Variants in DMD observed in about 807,000 individuals in gnomAD.
DMD encodes dystrophin.
A neutral mutation model predicts 330.1 loss-of-function variants in DMD; 63 were observed. That is an observed-to-expected ratio of 0.19 (90% CI 0.16 to 0.24). DMD has a LOEUF of 0.24. Ranked by LOEUF, DMD falls within the 10% of genes least tolerant of loss-of-function variation. DMD has a pLI of 1.00. For synonymous variants in DMD, 1,223 were observed against 959.8 expected, an observed-to-expected ratio of 1.27 and a Z score of -5.07; for missense variants, 3,344 against 2,684.1, an observed-to-expected ratio of 1.25 and a Z score of -5.43.
chrX:32,679,901 ACTTTTTTTT>A (rs2062256829), intron 9 of DMD, among the ~76,000 whole-genome samples: 1 of 30,950 alleles, frequency 3.2e-5, no homozygotes, highest in African/African-American at 1.3e-4. Context: ...TAATATTTGT[ACTTTTTTTT>A]TTTTTTTTTT....
chrX:32,737,939 A>T (rs972737634), intron 7 of DMD, among the ~76,000 whole-genome samples: 2 of 112,114 alleles, frequency 1.8e-5, no homozygotes, highest in African/African-American at 6.5e-5. Context: ...CTGATTTGAT[A>T]TAACAGGAAT....
intron 2 of DMD, among the ~76,000 whole-genome samples, chrX:32,898,190 C>A (rs1463759088): frequency 8.9e-6 from 1 of 111,793 alleles, no homozygotes; most frequent in Non-Finnish European, 1.9e-5. Context: ...AAGACACTGG[C>A]GTTTTGGAAG....
intron 1 of DMD, among the ~76,000 whole-genome samples, chrX:33,247,271 A>T (rs2052681928): frequency 9.0e-6 from 1 of 111,590 alleles, no homozygotes; most frequent in South Asian, 3.8e-4. Context: ...TACAAGCATT[A>T]CAATGTAACA....
rs2035613105 is a variant in DMD, at chrX:31,138,669, GA to G, written c.10922-4476del. ...AGAGAGAGAGAGAGAGAGAGAGAGA[GA>G]GAGAGAGAGAGAGAGAGAAGGGGGA... On this transcript the variant is annotated intron_variant, in intron 76 of 78. Transcript: ENST00000357033. 9.8e-4 allele frequency among the ~76,000 whole-genome samples: 51 copies of G among 52,249 alleles called. 2 individuals carry two copies. The highest frequency in any genetic ancestry group is 2.6e-3 in the African/African-American group (47 of 18,381). 45.4% of individuals were successfully genotyped at this position (52,249 alleles called of 115,157 possible).
intron 44 of DMD, among the ~76,000 whole-genome samples, chrX:32,144,266 T>C (rs180819700): frequency 5.8e-4 from 65 of 111,822 alleles, no homozygotes; most frequent in African/African-American, 1.8e-3. Context: ...TGGGTTTTAG[T>C]AGAAAAATTT....
intron 19 of DMD, among the ~76,000 whole-genome samples, chrX:32,493,637 G>C (rs1288959898): frequency 8.9e-6 from 1 of 111,829 alleles, no homozygotes; most frequent in East Asian, 2.8e-4. Context: ...GGTATAAAGT[G>C]TAAGAGAAGA....
At chrX:31,506,550 T>C (rs1348310495) in intron 56 of DMD, among the ~76,000 whole-genome samples, 1 of 112,577 alleles carries the variant, frequency 8.9e-6, no homozygotes, top group Non-Finnish European at 1.9e-5. Flanking sequence ...TTACTATCTC[T>C]ATCCTTTTGT....
intron 1 of DMD, among the ~76,000 whole-genome samples, chrX:33,063,282 T>C (rs777227675): frequency 2.7e-4 from 30 of 111,477 alleles, no homozygotes; most frequent in African/African-American, 9.8e-4. Flanking sequence ...TTTTCAATGA[T>C]AATTTACATA....
Position 31,209,511 on chromosome X carries a change from T to A in DMD, c.9550A>T (p.Asn3184Tyr), listed in dbSNP as rs761714810. 2.5e-6 allele frequency: 3 copies of A among 1,211,119 alleles called. No homozygotes were observed. The highest frequency in any genetic ancestry group is 3.5e-5 in the South Asian group (2 of 56,961). Residue 3184 changes from asparagine (N) to tyrosine (Y), a missense_variant, in exon 65 of 79, where the codon AAT becomes TAT. Physicochemically the swap from Asn to Tyr is moderately radical, Grantham distance 143. Coordinates refer to ENST00000357033, the MANE Select transcript of DMD (RefSeq NM_004006.3). ...CVDMCLNWLLNVYDTGRTGRI... is the reference protein window; with the variant it reads ...CVDMCLNWLLYVYDTGRTGRI... ...TGCCATACGTACGTATCATAAACAT[T>A]CAGCAGCCAGTTCAGACACATATCC...
At chrX:32,430,987 A>T (rs759041080) in intron 29 of DMD, among the ~76,000 whole-genome samples, 2 of 112,192 alleles carry the variant, frequency 1.8e-5, no homozygotes, top group African/African-American at 6.5e-5. Context: ...TTGTCTCTAT[A>T]TCTTTGCTAT....
chrX:32,534,357 G>A (rs752716557), intron 17 of DMD, among the ~76,000 whole-genome samples: 1 of 111,215 alleles, frequency 9.0e-6, no homozygotes, highest in South Asian at 3.8e-4. Context: ...GATCCCTCAC[G>A]GCTTAGTGCT....
chrX:32,180,770 T>C (rs1273917699), intron 44 of DMD, among the ~76,000 whole-genome samples: 1 of 111,034 alleles, frequency 9.0e-6, no homozygotes, highest in African/African-American at 3.3e-5. Flanking sequence ...CAGGAAGAAG[T>C]GCCCAGTGAA....
chrX:33,007,434 G>T, intron 2 of DMD, among the ~76,000 whole-genome samples: 1 of 110,963 alleles, frequency 9.0e-6, no homozygotes, highest in Non-Finnish European at 1.9e-5. Flanking sequence ...TCTTAAGTGA[G>T]GCTTTTCCAG....
At chrX:32,557,933 CAAT>C (rs1299944927) in intron 16 of DMD, among the ~76,000 whole-genome samples, 1 of 109,267 alleles carries the variant, frequency 9.2e-6, no homozygotes, top group African/African-American at 3.3e-5. Flanking sequence ...TTTATTATTA[CAAT>C]AATTTAATAA....
chrX:31,481,991 A>G (rs1409536707), intron 57 of DMD, among the ~76,000 whole-genome samples: 1 of 110,641 alleles, frequency 9.0e-6, no homozygotes, highest in Non-Finnish European at 1.9e-5. Flanking sequence ...AAGCAGAAAA[A>G]ATGATTTTTC....
chrX:32,676,852 T>G (rs1024167549), intron 9 of DMD, among the ~76,000 whole-genome samples: 5 of 111,581 alleles, frequency 4.5e-5, no homozygotes, highest in Non-Finnish European at 9.4e-5. Flanking sequence ...CCAGTGTTAA[T>G]CATTGTCCGT....
intron 49 of DMD, among the ~76,000 whole-genome samples, chrX:31,829,453 TA>T (rs751852041): frequency 8.2e-5 from 8 of 97,877 alleles, no homozygotes; most frequent in South Asian, 4.1e-4. Flanking sequence ...AAATTAAAAA[TA>T]AAAAAAAATT....
At chrX:31,365,161 C>T (rs960173560) in intron 60 of DMD, among the ~76,000 whole-genome samples, 10 of 107,570 alleles carry the variant, frequency 9.3e-5, no homozygotes, top group African/African-American at 2.4e-4. Flanking sequence ...ACACTAGTTT[C>T]GAGGCTTTTT....
chrX:32,044,624 G>A (rs1443585897), intron 44 of DMD, among the ~76,000 whole-genome samples: 5 of 109,636 alleles, frequency 4.6e-5, no homozygotes, highest in Non-Finnish European at 7.6e-5. Flanking sequence ...GGGTTTCACT[G>A]TGTTAGCCAG....
Sources: allele counts gnomAD v4.1 joint callset (sites outside exome capture counted in the v4.1 genomes callset), GRCh38; gene constraint gnomAD v4.1.1; transcripts MANE v1.5; gene names NCBI Gene and HGNC (gene_info 2026-07-23, HGNC 2026-07-21).